CSMD3: variants seen among roughly 807,000 people sequenced by gnomAD.
The protein encoded by CSMD3 is CUB and sushi domain-containing protein 3.
CSMD3 carries 177 observed loss-of-function variants against 435.2 expected under a neutral mutation model. The observed-to-expected ratio is 0.41, with a 90% CI of 0.36 to 0.46. The LOEUF (loss-of-function observed/expected upper bound fraction) is 0.46. Among genes scored for constraint, CSMD3 ranks in the 20% least tolerant of loss-of-function variants. The pLI, the probability that CSMD3 is intolerant of heterozygous loss-of-function variation, is 0.34. For synonymous variants in CSMD3, 1,656 were observed against 1,520.5 expected, an observed-to-expected ratio of 1.09 and a Z score of -2.07; for missense variants, 4,265 against 4,504.6, an observed-to-expected ratio of 0.95 and a Z score of 1.52.
intron 1 of CSMD3, among the ~76,000 whole-genome samples, chr8:113,327,603 C>T (rs1255343410): frequency 2.6e-5 from 4 of 152,066 alleles, no homozygotes; most frequent in African/African-American, 4.8e-5. Context: ...GGGGAACAGA[C>T]CAGATTTGGT....
chr8:113,133,866 A>C (rs1403168752), intron 4 of CSMD3, among the ~76,000 whole-genome samples: 1 of 152,086 alleles, frequency 6.6e-6, no homozygotes, highest in Non-Finnish European at 1.5e-5. Flanking sequence ...CAGAAACAGA[A>C]AGTAGAATGG....
At chr8:112,797,375 G>A (rs1239310246) in intron 13 of CSMD3, among the ~76,000 whole-genome samples, 2 of 151,770 alleles carry the variant, frequency 1.3e-5, no homozygotes, top group African/African-American at 4.8e-5. Context: ...AACAGAAAAC[G>A]TCATTTGAAA....
intron 3 of CSMD3, among the ~76,000 whole-genome samples, chr8:113,243,425 C>G (rs1266401490): frequency 2.6e-5 from 4 of 151,930 alleles, no homozygotes; most frequent in Non-Finnish European, 5.9e-5. Flanking sequence ...CATGTTGTAG[C>G]AAGTATCAGT....
intron 4 of CSMD3, among the ~76,000 whole-genome samples, chr8:113,162,980 C>T (rs1253349114): frequency 6.6e-6 from 1 of 152,048 alleles, no homozygotes; most frequent in Non-Finnish European, 1.5e-5. Context: ...TTACTCCTTA[C>T]TAGTATGTAA....
At chr8:112,588,768 G>GT (rs1424733664) in intron 22 of CSMD3, among the ~76,000 whole-genome samples, 1 of 152,094 alleles carries the variant, frequency 6.6e-6, no homozygotes, top group African/African-American at 2.4e-5. Context: ...TCTATGCTGT[G>GT]TAACAACTTG....
intron 9 of CSMD3, among the ~76,000 whole-genome samples, chr8:112,940,781 C>T (rs753946532): frequency 4.0e-5 from 6 of 151,856 alleles, no homozygotes; most frequent in East Asian, 3.9e-4. Context: ...ATATTGATTA[C>T]GTGCAAACAA....
intron 17 of CSMD3, among the ~76,000 whole-genome samples, chr8:112,665,558 G>C (rs1022307304): frequency 2.0e-5 from 3 of 152,048 alleles, no homozygotes; most frequent in African/African-American, 4.8e-5. Flanking sequence ...TTTTCATGTG[G>C]ATCTAATGCT....
chr8:112,445,225 A>G (rs1272395173), intron 32 of CSMD3, among the ~76,000 whole-genome samples: 1 of 152,192 alleles, frequency 6.6e-6, no homozygotes, highest in Non-Finnish European at 1.5e-5. Flanking sequence ...CCTCGTTGAC[A>G]GAGTGGAGTG....
At chr8:112,365,187 C>T (rs1275445168) in intron 38 of CSMD3, among the ~76,000 whole-genome samples, 1 of 152,060 alleles carries the variant, frequency 6.6e-6, no homozygotes, top group Non-Finnish European at 1.5e-5. Context: ...AGTTGCCAAG[C>T]AAATAGATTT....
chr8:113,376,918 G>A (rs2094387811), intron 1 of CSMD3: 1 of 1,588,664 alleles, frequency 6.3e-7, no homozygotes, highest in South Asian at 1.1e-5. Flanking sequence ...CGTGGTTGTG[G>A]GGGCCATAAC....
intron 32 of CSMD3, among the ~76,000 whole-genome samples, chr8:112,467,543 C>A (rs1215612254): frequency 2.0e-5 from 3 of 151,728 alleles, no homozygotes; most frequent in Non-Finnish European, 4.4e-5. Context: ...TATAGTTCAC[C>A]CTTTATAGTG....
At chr8:112,724,054 T>C (rs1399722016) in intron 13 of CSMD3, among the ~76,000 whole-genome samples, 2 of 151,876 alleles carry the variant, frequency 1.3e-5, no homozygotes, top group East Asian at 1.9e-4. Flanking sequence ...CATAATAAAA[T>C]TATATAATAT....
chr8:112,589,536 C>A (rs1390134000), intron 22 of CSMD3, among the ~76,000 whole-genome samples: 1 of 152,110 alleles, frequency 6.6e-6, no homozygotes, highest in East Asian at 1.9e-4. Context: ...GTCATGGTTC[C>A]ATGCTTATGA....
At chr8:112,241,534 T>C (rs1425971674) in intron 66 of CSMD3, among the ~76,000 whole-genome samples, 186 bp downstream of exon 66, 1 of 152,114 alleles carries the variant, frequency 6.6e-6, no homozygotes, top group Non-Finnish European at 1.5e-5. Flanking sequence ...AACAATACTT[T>C]TGGAATACTA....
At chr8:113,075,643 G>C (rs552865394) in intron 5 of CSMD3, among the ~76,000 whole-genome samples, 1 of 151,882 alleles carries the variant, frequency 6.6e-6, no homozygotes, top group South Asian at 2.1e-4. Flanking sequence ...ATATTTGAAA[G>C]AGTCTTATTG....
chr8:112,503,699 A>C (rs1822213666), intron 30 of CSMD3, 91 bp downstream of exon 30: 304 of 834,594 alleles, frequency 3.6e-4, no homozygotes, highest in Non-Finnish European at 5.1e-4. Context: ...ACATAAAACT[A>C]ACCACTAACA....
intron 17 of CSMD3, among the ~76,000 whole-genome samples, chr8:112,657,219 C>T (rs559620499): frequency 2.0e-5 from 3 of 151,992 alleles, no homozygotes; most frequent in Non-Finnish European, 2.9e-5. Context: ...TGTGCCACCA[C>T]GCCTGGCGGA....
intron 10 of CSMD3, among the ~76,000 whole-genome samples, chr8:112,914,748 T>C (rs1485963842): frequency 6.6e-6 from 1 of 151,856 alleles, no homozygotes; most frequent in Non-Finnish European, 1.5e-5. Flanking sequence ...TTTCTTTCAC[T>C]TTGCGTGGTA....
At position 112,341,592 on chromosome 8, in the gene CSMD3, G is replaced by C. The variant is rs779585772; in HGVS notation, c.6537C>G (p.Gly2179=). Residue 2179 remains glycine, a synonymous_variant, in exon 42 of 71, where the codon GGC becomes GGG. Coordinates refer to ENST00000297405, the MANE Select transcript of CSMD3 (RefSeq NM_198123.2). ...ATGGTATTTGAGGACCACTAAGCCG[G>C]CCAATAACAGTACTAGTTTCTGAGG... The part of the protein sequence containing the change: ...SGSSETSTVI[G]RLSGPQIPSS... The C allele has an allele frequency of 6.2e-7, 1 of 1,612,188 alleles. No homozygotes were observed. Among genetic ancestry groups the C allele is most frequent in the Non-Finnish European group, 8.5e-7 (1 of 1,178,512 alleles).
Sources: gnomAD v4.1 joint callset for allele counts (sites outside exome capture counted in the v4.1 genomes callset) on GRCh38, gnomAD v4.1.1 for gene constraint, MANE v1.5 for transcripts, NCBI Gene and HGNC (gene_info 2026-07-23, HGNC 2026-07-21) for gene names.